OTUD7B: variants seen among roughly 807,000 people sequenced by gnomAD.
OTUD7B encodes the protein OTU domain-containing protein 7B.
OTUD7B carries 34 observed loss-of-function variants against 82.2 expected under a neutral mutation model. The ratio of observed to expected loss-of-function variants is 0.41; its 90% CI spans 0.31 to 0.55. The LOEUF (loss-of-function observed/expected upper bound fraction) is 0.55. OTUD7B is among the 20% of genes least tolerant of loss of function. The probability of loss-of-function intolerance (pLI) is 0.20; values close to 1 mark genes in which losing one functional copy is unlikely to be tolerated. For missense variants in OTUD7B, 944 were observed against 1,062.1 expected, an observed-to-expected ratio of 0.89 and a Z score of 1.55; for synonymous variants, 398 against 402.7, an observed-to-expected ratio of 0.99 and a Z score of 0.14.
intron 1 of OTUD7B, among the ~76,000 whole-genome samples, chr1:150,004,972 C>G (rs587700224): frequency 6.6e-5 from 10 of 152,220 alleles, no homozygotes; most frequent in Admixed American, 2.0e-4. Flanking sequence ...AAGTGATTCT[C>G]CTGCCTCAGC....
chr1:149,992,731 C>A (rs1006528040), intron 1 of OTUD7B, among the ~76,000 whole-genome samples: 10 of 152,098 alleles, frequency 6.6e-5, no homozygotes, highest in African/African-American at 2.4e-4. Context: ...CTCAGTCTCC[C>A]AAAGTGCTGG....
At chr1:149,947,171 G>A in intron 11 of OTUD7B, 80 bp downstream of exon 11, 1 of 808,798 alleles carries the variant, frequency 1.2e-6, no homozygotes, top group South Asian at 1.5e-5. Flanking sequence ...GATTCAGAAG[G>A]AAACCATCCC....
At chr1:150,037,937 T>C in the OTUD7B span, among the ~76,000 whole-genome samples, 6 of 150,858 alleles carry the variant, frequency 4.0e-5, no homozygotes, top group Non-Finnish European at 8.9e-5. Flanking sequence ...GGTGCAATCA[T>C]AGCTCACTGC....
rs1553779854 is a variant in OTUD7B at position 149,982,173 on chromosome 1, T to TAA, written c.-66-4598_-66-4597insTT. On this transcript the variant is annotated intron_variant, in intron 1 of 11. Transcript: ENST00000581312. ...CTAAATAAATAAATAAATAAATAAA[T>TAA]ATAAAAAATAAAAACATTCTTACTC... Among the ~76,000 whole-genome samples the TAA allele has an allele frequency of 7.8e-5, 11 of 141,816 alleles. 1 individual carries two copies. Among genetic ancestry groups the TAA allele is most frequent in the African/African-American group, 1.5e-4 (5 of 33,398 alleles). 93.0% of individuals were successfully genotyped at this position (141,816 alleles called of 152,430 possible). A position where few individuals can be genotyped will look rare whatever the true frequency, so the allele number is the denominator to read the frequency against.
the OTUD7B span, among the ~76,000 whole-genome samples, chr1:150,034,425 G>A: frequency 3.3e-5 from 5 of 152,184 alleles, no homozygotes; most frequent in Non-Finnish European, 7.3e-5. Context: ...TAAGTTAGAT[G>A]TAGATGACAG....
the OTUD7B span, chr1:150,054,886 T>TACGA: frequency 9.4e-5 from 18 of 191,860 alleles, no homozygotes; most frequent in South Asian, 1.4e-3. Flanking sequence ...GAAAGAGAAA[T>TACGA]ACGAGATTAC....
At chr1:150,014,870 C>T (rs1420876029), upstream of OTUD7B, among the ~76,000 whole-genome samples, 2 of 152,022 alleles carry the variant, frequency 1.3e-5, no homozygotes, top group Non-Finnish European at 2.9e-5. Context: ...CTGTTACACA[C>T]AGACATCAAA....
At chr1:149,946,393 T>A (rs1647741682) in intron 11 of OTUD7B, among the ~76,000 whole-genome samples, 1 of 152,008 alleles carries the variant, frequency 6.6e-6, no homozygotes, top group African/African-American at 2.4e-5. Flanking sequence ...TAGTATCAGA[T>A]AACAGAGACT....
intron 11 of OTUD7B, among the ~76,000 whole-genome samples, chr1:149,946,091 G>C (rs1360945492): frequency 7.2e-6 from 1 of 139,554 alleles, no homozygotes; most frequent in African/African-American, 2.7e-5. Context: ...ATAATAATAT[G>C]TTTTAGGTCA....
At chr1:150,041,910 T>G in the OTUD7B span, among the ~76,000 whole-genome samples, 1 of 152,142 alleles carries the variant, frequency 6.6e-6, no homozygotes, top group Non-Finnish European at 1.5e-5. Flanking sequence ...GTTCTTTGAG[T>G]GCATTTCTAA....
chr1:149,962,128 T>C (rs1267922602), intron 6 of OTUD7B: 2 of 152,230 alleles, frequency 1.3e-5, no homozygotes, highest in South Asian at 4.1e-4. Flanking sequence ...GCCCAGGTTC[T>C]ATATGGAGTG....
chr1:149,989,386 T>C (rs1651403559), intron 1 of OTUD7B, among the ~76,000 whole-genome samples: 1 of 151,072 alleles, frequency 6.6e-6, no homozygotes, highest in South Asian at 2.1e-4. Flanking sequence ...GGCAGGAGAA[T>C]TGCTTGAACC....
chr1:149,998,538 T>C (rs1652064789), intron 1 of OTUD7B, among the ~76,000 whole-genome samples: 1 of 152,238 alleles, frequency 6.6e-6, no homozygotes. Context: ...TTCCCCGCTA[T>C]ATTTCTCTCT....
chr1:149,964,455 CCCCTGG>C, intron 5 of OTUD7B, 106 bp from the exon 6 acceptor site: 1 of 1,170,422 alleles, frequency 8.5e-7, no homozygotes, highest in Non-Finnish European at 1.2e-6. Flanking sequence ...TGGTCTCAAA[CCCCTGG>C]CCTCAAGTGA....
At position 149,939,786 on chromosome 1, in the gene OTUD7B, G is replaced by C. The variant is rs782376639; in HGVS notation, c.*4071C>G. 6.6e-6 allele frequency: 1 copy of C among 152,034 alleles called. No homozygotes were observed. Among genetic ancestry groups the C allele is most frequent in the Admixed American group, 6.6e-5 (1 of 15,252 alleles). 9.4% of individuals were successfully genotyped at this position (152,034 alleles called of 1,614,324 possible). The stretch of plus-strand genomic sequence containing the variant: ...CTCTACTAAAATACAAAAATTAGCC[G>C]GGCATGATTGCGGGTGCCTGTAATC... On this transcript the variant is annotated 3_prime_UTR_variant, in exon 12 of 12. Transcript: ENST00000581312.
At chr1:149,964,402 T>C in intron 5 of OTUD7B, 53 bp from the exon 6 acceptor site, 1 of 1,583,350 alleles carries the variant, frequency 6.3e-7, no homozygotes, top group Non-Finnish European at 8.6e-7. Context: ...CTGCTAATTT[T>C]TGTATTTTTA....
At chr1:149,972,303 A>C (rs146420251) in intron 2 of OTUD7B, among the ~76,000 whole-genome samples, 1 of 152,286 alleles carries the variant, frequency 6.6e-6, no homozygotes, top group East Asian at 1.9e-4. Flanking sequence ...TTTACTTCTA[A>C]ATCATTACAT....
At chr1:149,960,195 G>T (rs944104201) in intron 6 of OTUD7B, among the ~76,000 whole-genome samples, 2 of 151,694 alleles carry the variant, frequency 1.3e-5, no homozygotes, top group Admixed American at 1.3e-4. Context: ...TGCCATTAGC[G>T]TCCATAAAAT....
intron 7 of OTUD7B, among the ~76,000 whole-genome samples, 174 bp downstream of exon 7, chr1:149,959,510 G>C (rs1386108553): frequency 7.9e-5 from 12 of 152,032 alleles, no homozygotes; most frequent in Admixed American, 7.9e-4. Context: ...GTTCAATACC[G>C]AACTACCTGT....
Sources: allele counts gnomAD v4.1 joint callset (sites outside exome capture counted in the v4.1 genomes callset), GRCh38; gene constraint gnomAD v4.1.1; transcripts MANE v1.5; gene names NCBI Gene and HGNC (gene_info 2026-07-23, HGNC 2026-07-21).